Variants in FOXP1 observed in about 807,000 individuals in gnomAD.
The protein encoded by FOXP1 is forkhead box protein P1.
Under a neutral mutation model 98.2 loss-of-function variants are expected in FOXP1, and 15 were observed. The observed-to-expected ratio is 0.15, with a 90% confidence interval of 0.10 to 0.24. The LOEUF (loss-of-function observed/expected upper bound fraction) is 0.24. FOXP1 is among the 10% of genes least tolerant of loss of function. The probability of loss-of-function intolerance (pLI) is 1.00; values close to 1 mark genes in which losing one functional copy is unlikely to be tolerated. For synonymous variants in FOXP1, 371 were observed against 314.5 expected (o/e 1.18, Z -1.90); for missense variants, 633 against 848.5 (o/e 0.75, Z 3.15).
chr3:71,067,943 A>T lies in FOXP1; in HGVS notation c.283-14170T>A, dbSNP rs149986257. On this transcript the variant is annotated intron_variant, in intron 7 of 20. Transcript: ENST00000649528. ...AAAATAAAAAATAAAATAAAAAAAAAATATATACTACAGGCTTCCAAGAGG... is the reference window on the plus strand; with the variant it reads ...AAAATAAAAAATAAAATAAAAAAAATATATATACTACAGGCTTCCAAGAGG... Among the ~76,000 whole-genome samples the T allele has an allele frequency of 6.8e-3, 1,018 of 150,768 alleles. 8 individuals are homozygous for T. Among genetic ancestry groups the T allele is most frequent in the African/African-American group, 0.02 (829 of 41,122 alleles).
intron 12 of FOXP1, among the ~76,000 whole-genome samples, chr3:71,007,017 T>C (rs1319809239): frequency 6.6e-6 from 1 of 152,174 alleles, no homozygotes; most frequent in Non-Finnish European, 1.5e-5. Context: ...TAGAGGGCAC[T>C]GTGGTATTTA....
At chr3:71,411,543 C>T (rs746213783) in intron 3 of FOXP1, among the ~76,000 whole-genome samples, 24 of 152,102 alleles carry the variant, frequency 1.6e-4, no homozygotes, top group Non-Finnish European at 2.5e-4. Context: ...AGGATGGTCT[C>T]GATCTCCTGA....
intron 3 of FOXP1, among the ~76,000 whole-genome samples, chr3:71,371,470 C>T (rs1007419634): frequency 7.9e-5 from 12 of 152,168 alleles, no homozygotes; most frequent in Non-Finnish European, 1.3e-4. Context: ...TCACTGCCTC[C>T]AACTGCTTCG....
intron 2 of FOXP1, among the ~76,000 whole-genome samples, chr3:71,563,544 C>T (rs1250587706): frequency 6.6e-6 from 1 of 152,134 alleles, no homozygotes; most frequent in African/African-American, 2.4e-5. Flanking sequence ...ATATAACCAC[C>T]GGGCTGTGAG....
At chr3:71,135,247 C>T (rs936017873) in intron 6 of FOXP1, among the ~76,000 whole-genome samples, 3 of 132,280 alleles carry the variant, frequency 2.3e-5, no homozygotes, top group Non-Finnish European at 4.8e-5. Flanking sequence ...AACAGTGAGC[C>T]TCCGTCTCAA....
chr3:71,131,889 A>G (rs924777983), intron 6 of FOXP1, among the ~76,000 whole-genome samples: 1 of 152,288 alleles, frequency 6.6e-6, no homozygotes, highest in Non-Finnish European at 1.5e-5. Flanking sequence ...AGGCTGGGGG[A>G]AAAAATGGGA....
At chr3:71,045,094 A>C (rs770649833) in intron 10 of FOXP1, among the ~76,000 whole-genome samples, 4 of 152,170 alleles carry the variant, frequency 2.6e-5, no homozygotes, top group South Asian at 2.1e-4. Flanking sequence ...TACTGCAAGA[A>C]CCTGACACCA....
intron 5 of FOXP1, among the ~76,000 whole-genome samples, chr3:71,241,334 C>A (rs867646998): frequency 1.3e-5 from 2 of 152,002 alleles, no homozygotes; most frequent in Non-Finnish European, 1.5e-5. Context: ...AACTACAGAA[C>A]GGTGGGGGAA....
chr3:71,100,786 C>T (rs924056060), intron 7 of FOXP1, among the ~76,000 whole-genome samples: 2 of 152,182 alleles, frequency 1.3e-5, no homozygotes, highest in African/African-American at 4.8e-5. Flanking sequence ...ACTCTGAATT[C>T]ATGACTCTCT....
At chr3:70,975,574 G>A (rs2037325541) in intron 17 of FOXP1, among the ~76,000 whole-genome samples, 1 of 152,186 alleles carries the variant, frequency 6.6e-6, no homozygotes, top group Non-Finnish European at 1.5e-5. Context: ...TAGCAAGGAA[G>A]GCATTTATTT....
chr3:71,583,658 GCACA>G lies in FOXP1; in HGVS notation c.-538_-535del. On this transcript the variant is annotated 5_prime_UTR_variant, in exon 1 of 21. Transcript: ENST00000649528. ...ACTCCCGCCCGCGCGCGCACCCCGC[GCACA>G]CACTCACTCGCGCACACACGCGCGC... is the stretch of plus-strand genomic sequence containing the variant. The G allele has an allele frequency of 1.0e-6, 1 of 983,996 alleles. No individual in the cohort carries two copies. 61.0% of individuals were successfully genotyped at this position (983,996 alleles called of 1,614,324 possible).
intron 3 of FOXP1, among the ~76,000 whole-genome samples, chr3:71,416,436 T>G (rs1033142931): frequency 1.3e-5 from 2 of 151,786 alleles, no homozygotes; most frequent in East Asian, 1.9e-4. Context: ...TCCCAGCTAT[T>G]TGGGGGGCTG....
At chr3:71,282,149 T>C (rs2071638880) in intron 5 of FOXP1, among the ~76,000 whole-genome samples, 1 of 151,690 alleles carries the variant, frequency 6.6e-6, no homozygotes, top group African/African-American at 2.4e-5. Flanking sequence ...GCCGAGAAGA[T>C]CCCTCTAAGT....
intron 2 of FOXP1, among the ~76,000 whole-genome samples, chr3:71,512,445 C>T (rs1436193680): frequency 2.0e-5 from 3 of 152,202 alleles, no homozygotes; most frequent in African/African-American, 7.2e-5. Context: ...CCTAACCTTC[C>T]TCCACCTATT....
At chr3:70,981,454 A>T (rs1449831398) in intron 14 of FOXP1, among the ~76,000 whole-genome samples, 1 of 152,174 alleles carries the variant, frequency 6.6e-6, no homozygotes, top group Non-Finnish European at 1.5e-5. Flanking sequence ...ACCAGATAAA[A>T]ATGTATTGTA....
chr3:70,981,600 G>T (rs1207539868), intron 14 of FOXP1, among the ~76,000 whole-genome samples: 1 of 152,180 alleles, frequency 6.6e-6, no homozygotes, highest in African/African-American at 2.4e-5. Flanking sequence ...ATTTCGAGGA[G>T]GGGAGGCAGT....
intron 5 of FOXP1, among the ~76,000 whole-genome samples, chr3:71,286,549 G>GAATGA (rs1157393977): frequency 6.6e-6 from 1 of 152,112 alleles, no homozygotes; most frequent in African/African-American, 2.4e-5. Context: ...AATGGCATGT[G>GAATGA]CTGGGACAAG....
chr3:71,569,986 T>C (rs1578222087), intron 2 of FOXP1, among the ~76,000 whole-genome samples: 1 of 152,208 alleles, frequency 6.6e-6, no homozygotes, highest in East Asian at 1.9e-4. Flanking sequence ...TTAGCCAGGA[T>C]AGGATGGTCT....
rs2031861809 is a variant in FOXP1, at chr3:70,956,663, G to A, written c.*2584C>T. On this transcript the variant is annotated 3_prime_UTR_variant, in exon 21 of 21. Coordinates refer to ENST00000649528, the MANE Select transcript of FOXP1 (RefSeq NM_001349338.3). ...AACTAACCAGCAACCACTCAGTTTA[G>A]AAGCACAGGGCCCCCTTCCCATGAC... The A allele has an allele frequency of 1.2e-5, 2 of 161,048 alleles. No individual in the cohort carries two copies. The highest frequency in any genetic ancestry group is 1.5e-4 in the Admixed American group (2 of 13,092). 10.0% of individuals were successfully genotyped at this position (161,048 alleles called of 1,614,324 possible). A position where few individuals can be genotyped will look rare whatever the true frequency, so the allele number is the denominator to read the frequency against.
Sources: gnomAD v4.1 joint callset for allele counts (sites outside exome capture counted in the v4.1 genomes callset) on GRCh38, gnomAD v4.1.1 for gene constraint, MANE v1.5 for transcripts, NCBI Gene and HGNC (gene_info 2026-07-23, HGNC 2026-07-21) for gene names.